The following GPRIN1 variants were observed in gnomAD, a reference collection of about 807,000 sequenced individuals.
GPRIN1 encodes G protein regulated inducer of neurite outgrowth 1, also known as G protein-regulated inducer of neurite outgrowth 1.
A neutral mutation model predicts 2.8 loss-of-function variants in GPRIN1; 4 were observed. That is an observed-to-expected ratio of 1.45 (90% CI 0.71 to 3.32). The LOEUF is 3.32. Among genes scored for constraint, GPRIN1 ranks in the 30% most tolerant of loss-of-function variants. GPRIN1 has a pLI of 0.01. For synonymous variants in GPRIN1, 589 were observed against 589.9 expected (o/e 1.00, Z 0.02); for missense variants, 1,322 against 1,343.4 (o/e 0.98, Z 0.25).
chr5:176,599,636 T>C lies in GPRIN1; in HGVS notation c.199A>G (p.Met67Val), dbSNP rs1759117058. Residue 67 changes from methionine to valine, a missense_variant, in exon 2 of 2, where the codon ATG (methionine) becomes GTG (valine). Transcript: ENST00000303991. ...CTGGGGCTTCTGTGTCTAGACTCCA[T>C]GCCTGGGCTTTGGTCAGGGGTGTGC... ...PRHTPDQSPGMESRHRSPSGA... is the reference protein window; with the variant it reads ...PRHTPDQSPGVESRHRSPSGA... The C allele has an allele frequency of 6.5e-7, 1 of 1,542,060 alleles. No individual in the cohort carries two copies. Among genetic ancestry groups the C allele is most frequent in the African/African-American group, 1.4e-5 (1 of 72,234 alleles).
In GPRIN1 at chr5:176,596,635, G is replaced by T; in HGVS notation, c.*173C>A. On this transcript the variant is annotated 3_prime_UTR_variant, in exon 2 of 2. Coordinates refer to ENST00000303991, the MANE Select transcript of GPRIN1 (RefSeq NM_052899.3). The surrounding 1 kb of genome is among the most constrained non-coding windows in gnomAD (Gnocchi z 5.2). ...GGCCACGAGGGAGCTTGGTAGAAGG[G>T]GTTCTTCTGTATTTGTGATGGGAGG... 2.2e-6 allele frequency: 1 copy of T among 453,788 alleles called. No homozygotes were observed. The highest frequency in any genetic ancestry group is 3.3e-6 in the Non-Finnish European group (1 of 298,750). 28.1% of individuals were successfully genotyped at this position (453,788 alleles called of 1,614,324 possible).
chr5:176,599,503 T>G lies in GPRIN1; in HGVS notation c.332A>C (p.Glu111Ala). The part of the protein sequence containing the change: ...PQESPSKETL[E>A]AHGASISGTP... ...CCCTGAGATGGAGGCTCCATGTGCCTCCAATGTCTCCTTGGAGGGTGACTC... is the reference window on the plus strand; with the variant it reads ...CCCTGAGATGGAGGCTCCATGTGCCGCCAATGTCTCCTTGGAGGGTGACTC... The change falls in exon 2 of 2, where the codon GAG becomes GCG. Residue 111 changes from glutamate to alanine, a missense_variant. This residue lies in a region of GPRIN1 where 1,117 missense variants were observed against 1,128.6 expected (regional missense o/e 0.99). Transcript: ENST00000303991. 1.2e-6 allele frequency: 2 copies of G among 1,610,162 alleles called. No homozygotes were observed.
intron 1 of GPRIN1, among the ~76,000 whole-genome samples, chr5:176,609,609 G>A (rs754788528): frequency 3.3e-4 from 50 of 152,188 alleles, no homozygotes; most frequent in Non-Finnish European, 6.2e-4. Flanking sequence ...GAATCAACGC[G>A]GGAGGACGCC....
At position 176,598,030 on chromosome 5, in the gene GPRIN1, G is replaced by A; in HGVS notation, c.1805C>T (p.Pro602Leu). 1.9e-6 allele frequency: 3 copies of A among 1,614,106 alleles called. No homozygotes were observed. In the East Asian group the frequency reaches 6.7e-5, roughly 36 times the overall value. ...AGGCAGAGAACCCACTTTTCCCTCT[G>A]GGATAGCTTCTGCTTTTCCCAGGGA... ...PVSLGKAEAIPEGKVGSLPLE... is the reference protein window; with the variant it reads ...PVSLGKAEAILEGKVGSLPLE... The change falls in exon 2 of 2, where the codon CCA becomes CTA. Residue 602 changes from proline to leucine, a missense_variant. Physicochemically the swap from Pro to Leu is moderately conservative, Grantham distance 98. Around this residue, in one of 3 missense-constraint regions of GPRIN1, gnomAD observed 1,117 missense variants for 1,128.6 expected, o/e 0.99. Transcript: ENST00000303991.
chr5:176,607,903 CTTTTTTTTTTTTTTTTTTTTT>C lies in GPRIN1; in HGVS notation c.-44+2075_-44+2095del, dbSNP rs35368228. On this transcript the variant is annotated intron_variant, in intron 1 of 1. Coordinates refer to ENST00000303991, the MANE Select transcript of GPRIN1 (RefSeq NM_052899.3). ...AGATCGTGGACACTGACACTTGGCT[CTTTTTTTTTTTTTTTTTTTTT>C]TTTTTTTTTTTTTTTTCTGAAGACA... Among the ~76,000 whole-genome samples the C allele has an allele frequency of 8.4e-3, 568 of 67,400 alleles. 10 individuals are homozygous for C. Among genetic ancestry groups the C allele is most frequent in the African/African-American group, 0.033 (488 of 14,578 alleles). The allele number at this position is 67,400 out of a possible 152,430, so 44.2% of individuals were successfully genotyped here.
Position 176,598,654 on chromosome 5 carries a change from G to C in GPRIN1, c.1181C>G (p.Thr394Ser), listed in dbSNP as rs762850961. ...EGRPVSGHTD[T>S]TASAKTDLTS... ...GAGATCTGTCTTTGCTGAAGCCGTAGTATCCGTGTGGCCAGACACAGGACG... is the reference window on the plus strand; with the variant it reads ...GAGATCTGTCTTTGCTGAAGCCGTACTATCCGTGTGGCCAGACACAGGACG... Residue 394 changes from threonine to serine, a missense_variant, in exon 2 of 2, where the codon ACT (threonine) becomes AGT (serine). Thr to Ser is a moderately conservative substitution (Grantham distance 58, BLOSUM62 1). Transcript: ENST00000303991. The C allele has an allele frequency of 1.9e-6, 3 of 1,614,188 alleles. No individual in the cohort carries two copies. The South Asian group carries it at 3.3e-5, about 18-fold the overall frequency.
At position 176,596,603 on chromosome 5, in the gene GPRIN1, GCCTCGTGGCCACGAGGGAGC is replaced by G; in HGVS notation, c.*185_*204del. 3.1e-6 allele frequency: 1 copy of G among 324,924 alleles called. No homozygotes were observed. Among genetic ancestry groups the G allele is most frequent in the Non-Finnish European group, 5.3e-6 (1 of 189,584 alleles). 20.1% of individuals were successfully genotyped at this position (324,924 alleles called of 1,614,324 possible). A position where few individuals can be genotyped will look rare whatever the true frequency, so the allele number is the denominator to read the frequency against. ...GGCGTCAGGGCTGGCCGGGTTCGTG[GCCTCGTGGCCACGAGGGAGC>G]TTGGTAGAAGGGGTTCTTCTGTATT... On this transcript the variant is annotated 3_prime_UTR_variant, in exon 2 of 2. Coordinates refer to ENST00000303991, the MANE Select transcript of GPRIN1 (RefSeq NM_052899.3). The surrounding 1 kb of genome is among the most constrained non-coding windows in gnomAD (Gnocchi z 5.2).
In GPRIN1 at chr5:176,597,107, CG is replaced by C; in HGVS notation, c.2727del (p.Val910CysfsTer4). 1.4e-6 allele frequency: 2 copies of C among 1,477,156 alleles called. No homozygotes were observed. The highest frequency in any genetic ancestry group is 1.8e-6 in the Non-Finnish European group (2 of 1,110,852). The allele number at this position is 1,477,156 out of a possible 1,614,324, so 91.5% of individuals were successfully genotyped here. On this transcript the variant is annotated frameshift_variant, in exon 2 of 2. Coordinates refer to ENST00000303991, the MANE Select transcript of GPRIN1 (RefSeq NM_052899.3). LOFTEE classifies it high-confidence loss of function. The surrounding 1 kb of genome is among the most constrained non-coding windows in gnomAD (Gnocchi z 6.1). The stretch of plus-strand genomic sequence containing the variant: ...TTCTCGTCCCAGCTCACGTCTCGCA[CG>C]GGCTCAGCCGGCTCCGGGGGCGCTA... ...AAVAPPEPAE[P>X]VRDVSWDEKG...
intron 1 of GPRIN1, among the ~76,000 whole-genome samples, chr5:176,600,521 G>T (rs941470278): frequency 6.6e-6 from 1 of 152,244 alleles, no homozygotes; most frequent in Non-Finnish European, 1.5e-5. Context: ...AAGCTCTGAT[G>T]TCCGGGGGTC....
Position 176,597,610 on chromosome 5 carries a change from C to T in GPRIN1, c.2225G>A (p.Arg742Lys). 1.2e-6 allele frequency: 2 copies of T among 1,600,474 alleles called. No individual in the cohort carries two copies. Among genetic ancestry groups the T allele is most frequent in the Non-Finnish European group, 8.5e-7 (1 of 1,179,026 alleles). ...CGGCTCCACGCGGCCTTCACTGCCC[C>T]TGGCACCCTCGGGAGACCGGGCTGA... is the stretch of plus-strand genomic sequence containing the variant. ...LGSARSPEGA[R>K]GSEGRVEPKA... The change falls in exon 2 of 2, where the codon AGG (arginine) becomes AAG (lysine). Residue 742 changes from arginine (R) to lysine (K), a missense_variant. Arg to Lys is a conservative substitution (Grantham distance 26). Around this residue, in one of 3 missense-constraint regions of GPRIN1, gnomAD observed 1,117 missense variants for 1,128.6 expected, o/e 0.99. Transcript: ENST00000303991. The surrounding 1 kb of genome is among the most constrained non-coding windows in gnomAD (Gnocchi z 6.1).
At position 176,602,302 on chromosome 5, in the gene GPRIN1, T is replaced by A. The variant is rs1383660807; in HGVS notation, c.-43-2425A>T. Among the ~76,000 whole-genome samples the A allele has an allele frequency of 6.6e-6, 1 of 152,222 alleles. No homozygotes were observed. Among genetic ancestry groups the A allele is most frequent in the African/African-American group, 2.4e-5 (1 of 41,458 alleles). On this transcript the variant is annotated intron_variant, in intron 1 of 1. Transcript: ENST00000303991. This position sits in a 1 kb window ranked among gnomAD's most constrained non-coding sequence, Gnocchi z 4.4. ...CTGGCTGGCATTCTCCACCCTCTTA[T>A]TCTAATCAGTTTTCCTCCATAGTAC...
intron 1 of GPRIN1, among the ~76,000 whole-genome samples, chr5:176,601,952 G>A (rs1317958548): frequency 2.0e-5 from 3 of 152,110 alleles, no homozygotes; most frequent in Non-Finnish European, 2.9e-5. Context: ...GACAAATCAT[G>A]TACCCCTCTG....
At position 176,597,128 on chromosome 5, in the gene GPRIN1, G is replaced by C; in HGVS notation, c.2707C>G (p.Pro903Ala). Residue 903 changes from proline (P) to alanine (A), a missense_variant, in exon 2 of 2, where the codon CCC becomes GCC. Physicochemically the swap from Pro to Ala is conservative, Grantham distance 27. This residue lies in a region of GPRIN1 where 196 missense variants were observed against 189.2 expected (regional missense o/e 1.04). Coordinates refer to ENST00000303991, the MANE Select transcript of GPRIN1 (RefSeq NM_052899.3). This position sits in a 1 kb window ranked among gnomAD's most constrained non-coding sequence, Gnocchi z 6.1. ...CGCACGGGCTCAGCCGGCTCCGGGG[G>C]CGCTACAGCGGCCGCCAGCGCTGAG... ...PGSALAAAVAPPEPAEPVRDV... is the reference protein window; with the variant it reads ...PGSALAAAVAAPEPAEPVRDV... The C allele has an allele frequency of 6.8e-7, 1 of 1,466,686 alleles. No individual in the cohort carries two copies. The highest frequency in any genetic ancestry group is 9.0e-7 in the Non-Finnish European group (1 of 1,106,514). The allele number at this position is 1,466,686 out of a possible 1,614,324, so 90.9% of individuals were successfully genotyped here.
Position 176,597,582 on chromosome 5 carries a change from C to T in GPRIN1, c.2253G>A (p.Lys751=), listed in dbSNP as rs1581156205. ...CCTCGGTGCTGGACACGGGCTCGGC[C>T]TTCGGCTCCACGCGGCCTTCACTGC... is the stretch of plus-strand genomic sequence containing the variant. The part of the protein sequence containing the change: ...ARGSEGRVEP[K]AEPVSSTEAS... The change falls in exon 2 of 2, where the codon AAG becomes AAA. Residue 751 remains lysine, a synonymous_variant. Transcript: ENST00000303991. The surrounding 1 kb of genome is among the most constrained non-coding windows in gnomAD (Gnocchi z 6.1). 1 of 1,595,708 alleles carries T rather than the reference C, an allele frequency of 6.3e-7. No homozygotes were observed. The highest frequency in any genetic ancestry group is 8.5e-7 in the Non-Finnish European group (1 of 1,177,672).
Position 176,595,835 on chromosome 5 carries a change from G to T in GPRIN1, c.*973C>A, listed in dbSNP as rs1359214791. ...ATATTTTATTACCAATGTATACTGT[G>T]ACAGTTTGTAGCCAAAAACTGCGGC... On this transcript the variant is annotated 3_prime_UTR_variant, in exon 2 of 2. Coordinates refer to ENST00000303991, the MANE Select transcript of GPRIN1 (RefSeq NM_052899.3). 3 of 685,650 alleles carry T rather than the reference G, an allele frequency of 4.4e-6. No homozygotes were observed. Among genetic ancestry groups the T allele is most frequent in the Non-Finnish European group, 6.5e-6 (3 of 461,666 alleles). The allele number at this position is 685,650 out of a possible 1,614,324, so 42.5% of individuals were successfully genotyped here.
rs765977090 is a variant in GPRIN1, at chr5:176,598,326, T to G, written c.1509A>C (p.Ala503=). The G allele has an allele frequency of 6.2e-7, 1 of 1,613,660 alleles. No individual in the cohort carries two copies. The highest frequency in any genetic ancestry group is 8.5e-7 in the Non-Finnish European group (1 of 1,179,600). ...GPGDPRSLGT[A]GPPSAVKAEP... ...CAGCCTTTACTGCAGATGGGGGACC[T>G]GCTGTCCCCAAGGACCTGGGATCGC... Residue 503 remains alanine (A), a synonymous_variant, in exon 2 of 2, where the codon GCA becomes GCC. Coordinates refer to ENST00000303991, the MANE Select transcript of GPRIN1 (RefSeq NM_052899.3).
chr5:176,607,186 C>G (rs1413897328), intron 1 of GPRIN1, among the ~76,000 whole-genome samples: 2 of 152,226 alleles, frequency 1.3e-5, no homozygotes, highest in Non-Finnish European at 2.9e-5. Flanking sequence ...CCCAGAGGCT[C>G]TACTGCTCAC....
At position 176,598,640 on chromosome 5, in the gene GPRIN1, T is replaced by C; in HGVS notation, c.1195A>G (p.Lys399Glu). Residue 399 changes from lysine (K) to glutamate (E), a missense_variant, in exon 2 of 2, where the codon AAG becomes GAG. Lys to Glu is a moderately conservative substitution (Grantham distance 56, BLOSUM62 1). Coordinates refer to ENST00000303991, the MANE Select transcript of GPRIN1 (RefSeq NM_052899.3). ...TTTTTCAAAGATGTGAGATCTGTCT[T>C]TGCTGAAGCCGTAGTATCCGTGTGG... ...SGHTDTTASA[K>E]TDLTSLKNVD... 1 of 1,614,192 alleles carries C rather than the reference T, an allele frequency of 6.2e-7. No individual in the cohort carries two copies. The highest frequency in any genetic ancestry group is 1.6e-4 in the Middle Eastern group (1 of 6,062).
Position 176,598,558 on chromosome 5 carries a change from G to A in GPRIN1, c.1277C>T (p.Pro426Leu). Residue 426 changes from proline (P) to leucine (L), a missense_variant, in exon 2 of 2, where the codon CCC becomes CTC. Physicochemically the swap from Pro to Leu is moderately conservative, Grantham distance 98 (BLOSUM62 -3). Coordinates refer to ENST00000303991, the MANE Select transcript of GPRIN1 (RefSeq NM_052899.3). ...GAGCTCTGGCTTTCCTGAGCACATG[G>A]GGTCCATCTTTCCCAGAGAAACTGG... ...VDPVSLGKMDPMCSGKPELLS... is the reference protein window; with the variant it reads ...VDPVSLGKMDLMCSGKPELLS... The A allele has an allele frequency of 6.2e-7, 1 of 1,614,168 alleles. No homozygotes were observed. The highest frequency in any genetic ancestry group is 8.5e-7 in the Non-Finnish European group (1 of 1,180,034).
Sources: allele counts gnomAD v4.1 joint callset (sites outside exome capture counted in the v4.1 genomes callset), GRCh38; gene constraint gnomAD v4.1.1; regional missense constraint gnomAD v4.1.1; non-coding constraint Gnocchi (gnomAD v3.1); transcripts MANE v1.5; gene names NCBI Gene and HGNC (gene_info 2026-07-23, HGNC 2026-07-21).